The following FAM13C variants were observed in gnomAD, a reference collection of about 807,000 sequenced individuals.
The protein encoded by FAM13C is protein FAM13C.
A neutral mutation model predicts 73.2 loss-of-function variants in FAM13C; 37 were observed. The ratio of observed to expected loss-of-function variants is 0.51; its 90% CI spans 0.39 to 0.67. The LOEUF is 0.67. Ranked by LOEUF, FAM13C falls within the 30% of genes least tolerant of loss-of-function variation. The pLI, the probability that FAM13C is intolerant of heterozygous loss-of-function variation, is 0.00. For missense variants in FAM13C, 589 were observed against 715.6 expected (o/e 0.82, Z 2.02); for synonymous variants, 246 against 260.9 (o/e 0.94, Z 0.55).
intron 3 of FAM13C, among the ~76,000 whole-genome samples, chr10:59,348,396 G>A (rs868790581): frequency 2.6e-4 from 39 of 152,128 alleles, no homozygotes; most frequent in Middle Eastern, 6.3e-3. Context: ...TTTACCCTGC[G>A]ATCAAAACTC....
At chr10:59,285,718 T>C (rs549121720) in intron 5 of FAM13C, among the ~76,000 whole-genome samples, 1 of 152,224 alleles carries the variant, frequency 6.6e-6, no homozygotes, top group Non-Finnish European at 1.5e-5. Context: ...ACAAAATTTA[T>C]ACATTGAAGC....
chr10:59,264,073 G>A lies in FAM13C; in HGVS notation c.1024+12C>T. 1 of 1,611,110 alleles carries A rather than the reference G, an allele frequency of 6.2e-7. No homozygotes were observed. Among genetic ancestry groups the A allele is most frequent in the Non-Finnish European group, 8.5e-7 (1 of 1,177,550 alleles). On this transcript the variant is annotated intron_variant, in intron 9 of 13. Transcript: ENST00000618804. The stretch of plus-strand genomic sequence containing the variant: ...CCTTTGTGAGGAAAAAAGATCTTTG[G>A]CTGGGATTTACCTTTGAGCTGTTTA...
intron 3 of FAM13C, among the ~76,000 whole-genome samples, chr10:59,350,434 T>C (rs1202056365): frequency 6.6e-6 from 1 of 152,106 alleles, no homozygotes; most frequent in East Asian, 1.9e-4. Context: ...TGGTAGGAGA[T>C]TCAAGGTCAG....
At chr10:59,282,302 T>C (rs1405216893) in intron 6 of FAM13C, 4 of 152,244 alleles carry the variant, frequency 2.6e-5, no homozygotes, top group Non-Finnish European at 5.9e-5. Flanking sequence ...CTACTACTAG[T>C]AGCTATTATA....
In FAM13C at chr10:59,269,896, C is replaced by A; in HGVS notation, c.803+3G>T. ...GAAGACAATAACAAAACAGTTTTCT[C>A]ACATCATAAACTGCTGAGTGCTGGG... On this transcript the variant is annotated splice_donor_region_variant and intron_variant, in intron 7 of 13. Coordinates refer to ENST00000618804, the MANE Select transcript of FAM13C (RefSeq NM_198215.4). The A allele has an allele frequency of 6.2e-7, 1 of 1,613,550 alleles. No individual in the cohort carries two copies. The highest frequency in any genetic ancestry group is 1.1e-5 in the South Asian group (1 of 91,014).
intron 4 of FAM13C, among the ~76,000 whole-genome samples, chr10:59,310,038 A>G (rs1263202110): frequency 6.6e-6 from 1 of 152,200 alleles, no homozygotes; most frequent in Non-Finnish European, 1.5e-5. Context: ...ATGAAAGATT[A>G]ATTAGTAGCT....
intron 4 of FAM13C, among the ~76,000 whole-genome samples, chr10:59,308,405 C>T (rs887024476): frequency 1.3e-5 from 2 of 151,682 alleles, no homozygotes; most frequent in African/African-American, 4.8e-5. Flanking sequence ...ACCACAACCA[C>T]CACAACCACT....
chr10:59,291,587 T>A (rs896746283), intron 5 of FAM13C, among the ~76,000 whole-genome samples: 3 of 152,108 alleles, frequency 2.0e-5, no homozygotes, highest in Admixed American at 6.5e-5. Flanking sequence ...TATCAGCAAT[T>A]CTTTTTAAAC....
chr10:59,284,680 C>T (rs966861207), intron 5 of FAM13C, among the ~76,000 whole-genome samples: 6 of 151,238 alleles, frequency 4.0e-5, no homozygotes, highest in Non-Finnish European at 5.9e-5. Flanking sequence ...TCCACACAGA[C>T]GCTCATACCA....
chr10:59,351,939 G>A (rs1855093037), intron 3 of FAM13C, among the ~76,000 whole-genome samples: 1 of 151,890 alleles, frequency 6.6e-6, no homozygotes, highest in African/African-American at 2.4e-5. Context: ...GAGGTTGCAG[G>A]GAGCCGAGAT....
At chr10:59,339,565 T>C (rs1048904723) in intron 3 of FAM13C, among the ~76,000 whole-genome samples, 1 of 152,122 alleles carries the variant, frequency 6.6e-6, no homozygotes, top group Admixed American at 6.5e-5. Context: ...ATAAATTAGG[T>C]GGCAGCTCTT....
intron 4 of FAM13C, chr10:59,323,313 CT>C (rs1294559084): frequency 2.6e-5 from 4 of 152,400 alleles, no homozygotes; most frequent in African/African-American, 4.8e-5. Flanking sequence ...TCATGCCAAC[CT>C]TTCTGCAGGC....
intron 4 of FAM13C, among the ~76,000 whole-genome samples, chr10:59,304,873 A>T (rs1270142110): frequency 7.5e-6 from 1 of 133,732 alleles, no homozygotes; most frequent in Non-Finnish European, 1.6e-5. Flanking sequence ...AAGGGAGGGC[A>T]TTTGTTCCCT....
chr10:59,281,593 A>G (rs1457576636), intron 6 of FAM13C, among the ~76,000 whole-genome samples: 3 of 152,208 alleles, frequency 2.0e-5, no homozygotes, highest in African/African-American at 7.2e-5. Flanking sequence ...ACTTCTGCAC[A>G]TCTCTGCCAT....
At chr10:59,276,740 T>A (rs1844360143) in intron 6 of FAM13C, among the ~76,000 whole-genome samples, 1 of 152,204 alleles carries the variant, frequency 6.6e-6, no homozygotes, top group South Asian at 2.1e-4. Context: ...GAAGAAATTT[T>A]TAAACAACCA....
At position 59,268,539 on chromosome 10, in the gene FAM13C, C is replaced by T; in HGVS notation, c.942+14G>A. The T allele has an allele frequency of 6.2e-7, 1 of 1,613,360 alleles. No homozygotes were observed. The highest frequency in any genetic ancestry group is 1.1e-5 in the South Asian group (1 of 91,024). On this transcript the variant is annotated intron_variant, in intron 8 of 13. Coordinates refer to ENST00000618804, the MANE Select transcript of FAM13C (RefSeq NM_198215.4). ...TGACCAATCCGCTCCTATGTCAAAC[C>T]CCAGGGTTCTTACCCGGTATTTCTT...
At chr10:59,351,331 C>CAAAA (rs10666673) in intron 3 of FAM13C, among the ~76,000 whole-genome samples, 3,054 of 134,202 alleles carry the variant, frequency 0.023, 168 homozygotes, top group African/African-American at 0.08. Flanking sequence ...GACCCTGTCT[C>CAAAA]AAAAAAAAAA....
intron 4 of FAM13C, among the ~76,000 whole-genome samples, chr10:59,303,358 G>A (rs1847826185): frequency 6.6e-6 from 1 of 152,080 alleles, no homozygotes; most frequent in Admixed American, 6.5e-5. Flanking sequence ...TCCTCCTATT[G>A]AAATTATACA....
At chr10:59,269,468 G>A (rs899242951) in intron 7 of FAM13C, among the ~76,000 whole-genome samples, 3 of 149,036 alleles carry the variant, frequency 2.0e-5, no homozygotes, top group African/African-American at 7.6e-5. Flanking sequence ...GATGAGGGTA[G>A]CTATTGTAAG....
Sources: allele counts gnomAD v4.1 joint callset (sites outside exome capture counted in the v4.1 genomes callset), GRCh38; gene constraint gnomAD v4.1.1; transcripts MANE v1.5; gene names NCBI Gene and HGNC (gene_info 2026-07-23, HGNC 2026-07-21).